The following DSCAM variants were observed in gnomAD, a reference collection of about 807,000 sequenced individuals.
DSCAM encodes DS cell adhesion molecule.
In DSCAM, 47 loss-of-function variants were observed where a neutral mutation model predicts 217.7. The ratio of observed to expected loss-of-function variants is 0.22; its 90% confidence interval spans 0.17 to 0.28. The LOEUF (loss-of-function observed/expected upper bound fraction) is 0.28. Among genes scored for constraint, DSCAM ranks in the 10% least tolerant of loss-of-function variants. The pLI is 1.00. For synonymous variants in DSCAM, 1,056 were observed against 1,015.3 expected, an observed-to-expected ratio of 1.04 and a Z score of -0.76; for missense variants, 2,080 against 2,618.3, an observed-to-expected ratio of 0.79 and a Z score of 4.49.
intron 3 of DSCAM, among the ~76,000 whole-genome samples, chr21:40,573,573 T>C (rs2076825437): frequency 6.6e-6 from 1 of 151,938 alleles, no homozygotes; most frequent in Non-Finnish European, 1.5e-5. Context: ...CTATTTGAAT[T>C]GAAAATAATA....
At chr21:40,526,542 G>C (rs1601716532) in intron 3 of DSCAM, among the ~76,000 whole-genome samples, 1 of 152,228 alleles carries the variant, frequency 6.6e-6, no homozygotes, top group African/African-American at 2.4e-5. Flanking sequence ...GCCAAAAGAG[G>C]ATGGGGTGAG....
At chr21:40,265,854 TAACTC>T (rs2073518884) in intron 11 of DSCAM, among the ~76,000 whole-genome samples, 1 of 152,092 alleles carries the variant, frequency 6.6e-6, no homozygotes, top group African/African-American at 2.4e-5. Flanking sequence ...ATACAAAAAT[TAACTC>T]AAGGTGGATT....
In DSCAM at chr21:40,349,169, C is replaced by T. The variant is rs1391528802; in HGVS notation, c.935-1224G>A. ...AAAAAAAAAAAAGAAATGCAACATG[C>T]TGGCTACCAATAGTGACCTAAGTAT... On this transcript the variant is annotated intron_variant, in intron 5 of 32. Transcript: ENST00000400454. Among the ~76,000 whole-genome samples the T allele has an allele frequency of 3.4e-5, 3 of 87,098 alleles. No homozygotes were observed. In the East Asian group the frequency reaches 1.0e-3, roughly 29 times the overall value. The allele number at this position is 87,098 out of a possible 152,430, so 57.1% of individuals were successfully genotyped here.
chr21:40,727,603 T>C (rs1453722371), intron 1 of DSCAM, among the ~76,000 whole-genome samples: 2 of 152,132 alleles, frequency 1.3e-5, no homozygotes, highest in African/African-American at 2.4e-5. Context: ...TGCATCTGCC[T>C]TGTGCCATCT....
intron 3 of DSCAM, among the ~76,000 whole-genome samples, chr21:40,414,409 T>C (rs1389639310): frequency 6.6e-6 from 1 of 152,170 alleles, no homozygotes; most frequent in Non-Finnish European, 1.5e-5. Context: ...CAGGGAAATG[T>C]AAAGTAAAAC....
intron 6 of DSCAM, among the ~76,000 whole-genome samples, chr21:40,340,968 C>G (rs2074484789): frequency 6.6e-6 from 1 of 152,038 alleles, no homozygotes; most frequent in Non-Finnish European, 1.5e-5. Flanking sequence ...TGTGCTGCAG[C>G]TCTTCCCTCC....
At chr21:40,585,160 C>T (rs923233206) in intron 3 of DSCAM, among the ~76,000 whole-genome samples, 3 of 148,098 alleles carry the variant, frequency 2.0e-5, no homozygotes, top group African/African-American at 7.5e-5. Flanking sequence ...GCCTGTAGAA[C>T]CGCGAGACAA....
At chr21:40,108,400 C>T (rs544306673) in intron 20 of DSCAM, among the ~76,000 whole-genome samples, 84 of 152,274 alleles carry the variant, frequency 5.5e-4, no homozygotes, top group Non-Finnish European at 1.1e-3. Flanking sequence ...CTCCCATTCA[C>T]AACTGCCACA....
At chr21:40,252,622 C>A (rs1414476315) in intron 11 of DSCAM, among the ~76,000 whole-genome samples, 1 of 151,978 alleles carries the variant, frequency 6.6e-6, no homozygotes, top group Non-Finnish European at 1.5e-5. Context: ...AAAAAAAATA[C>A]TAAGAAGGGC....
At position 40,110,528 on chromosome 21, in the gene DSCAM, C is replaced by T. The variant is rs140539299; in HGVS notation, c.3696+13667G>A. 9.0e-3 allele frequency among the ~76,000 whole-genome samples: 1,372 copies of T among 152,300 alleles called. 26 individuals carry two copies. The highest frequency in any genetic ancestry group is 0.031 in the African/African-American group (1,296 of 41,570). On this transcript the variant is annotated intron_variant, in intron 20 of 32. Transcript: ENST00000400454. ...GAATGCCTCTCCTCCTCCAAAGGAACGTAGCTCCTCACCAGCAACAGAACA... is the reference window on the plus strand; with the variant it reads ...GAATGCCTCTCCTCCTCCAAAGGAATGTAGCTCCTCACCAGCAACAGAACA...
intron 11 of DSCAM, among the ~76,000 whole-genome samples, chr21:40,241,396 T>C (rs2073150914): frequency 6.6e-6 from 1 of 152,036 alleles, no homozygotes; most frequent in Non-Finnish European, 1.5e-5. Flanking sequence ...AAGCTCAATA[T>C]CACCAATCAC....
At chr21:40,307,287 C>T (rs2074089229) in intron 9 of DSCAM, among the ~76,000 whole-genome samples, 1 of 151,858 alleles carries the variant, frequency 6.6e-6, no homozygotes, top group South Asian at 2.1e-4. Context: ...TGAACAGACA[C>T]TTCTCAAAAG....
intron 3 of DSCAM, among the ~76,000 whole-genome samples, chr21:40,376,635 CTT>C (rs2074963406): frequency 1.4e-5 from 2 of 142,742 alleles, no homozygotes; most frequent in African/African-American, 5.2e-5. Flanking sequence ...ATCTATATAT[CTT>C]ATATAGATAT....
At chr21:40,321,315 T>A (rs570000046) in intron 8 of DSCAM, among the ~76,000 whole-genome samples, 25 of 152,348 alleles carry the variant, frequency 1.6e-4, no homozygotes, top group Non-Finnish European at 3.4e-4. Context: ...AATATCTTCA[T>A]CTTGATGTCT....
chr21:40,840,439 A>G (rs2092091234), intron 1 of DSCAM, among the ~76,000 whole-genome samples: 2 of 152,172 alleles, frequency 1.3e-5, no homozygotes, highest in Admixed American at 1.3e-4. Context: ...TCAAAATGCG[A>G]CAGGGCAATA....
rs202011231 is a variant in DSCAM at position 40,637,108 on chromosome 21, CATATAT to C, written c.508+55696_508+55701del. ...AAAATAGAAGGAGGCCCTTCTCATTCATATATATATATATATATATAAATATATAAA... is the reference window on the plus strand; with the variant it reads ...AAAATAGAAGGAGGCCCTTCTCATTCATATATATATATATAAATATATAAA... On this transcript the variant is annotated intron_variant, in intron 3 of 32. Transcript: ENST00000400454. 1.3e-3 allele frequency among the ~76,000 whole-genome samples: 49 copies of C among 37,372 alleles called. 11 individuals carry two copies. The highest frequency in any genetic ancestry group is 1.6e-3 in the Non-Finnish European group (35 of 21,218). The allele number at this position is 37,372 out of a possible 152,430, so 24.5% of individuals were successfully genotyped here.
chr21:40,146,139 C>T (rs1408390818), intron 16 of DSCAM, among the ~76,000 whole-genome samples: 2 of 151,990 alleles, frequency 1.3e-5, no homozygotes, highest in Non-Finnish European at 2.9e-5. Context: ...CACTTAAGAA[C>T]CTGTAGAGAA....
intron 3 of DSCAM, among the ~76,000 whole-genome samples, chr21:40,398,225 A>G (rs1001826745): frequency 6.6e-6 from 1 of 152,196 alleles, no homozygotes; most frequent in Non-Finnish European, 1.5e-5. Context: ...CATTTTAAGA[A>G]GTGACCCAAT....
chr21:40,523,790 G>T (rs1331036483), intron 3 of DSCAM, among the ~76,000 whole-genome samples: 1 of 151,966 alleles, frequency 6.6e-6, no homozygotes. Flanking sequence ...AGAGCACACA[G>T]TAACACACAA....
Sources: gnomAD v4.1 joint callset for allele counts (sites outside exome capture counted in the v4.1 genomes callset) on GRCh38, gnomAD v4.1.1 for gene constraint, MANE v1.5 for transcripts, NCBI Gene and HGNC (gene_info 2026-07-23, HGNC 2026-07-21) for gene names.